SPATA6: variants seen among roughly 807,000 people sequenced by gnomAD.
SPATA6 encodes spermatogenesis-associated protein 6.
SPATA6 carries 56 observed loss-of-function variants against 65.3 expected under a neutral mutation model. That is an observed-to-expected ratio of 0.86 (90% CI 0.69 to 1.07). The LOEUF (loss-of-function observed/expected upper bound fraction) is 1.07, where lower values mean the gene tolerates loss of function less well. SPATA6 is among the 50% of genes least tolerant of loss of function. The probability of loss-of-function intolerance (pLI) is 0.00; values close to 1 mark genes in which losing one functional copy is unlikely to be tolerated. For missense variants in SPATA6, 590 were observed against 594.8 expected (o/e 0.99, Z 0.08); for synonymous variants, 199 against 213.2 (o/e 0.93, Z 0.58).
At chr1:48,362,586 A>C (rs1455896968) in intron 9 of SPATA6, among the ~76,000 whole-genome samples, 3 of 152,190 alleles carry the variant, frequency 2.0e-5, no homozygotes, top group African/African-American at 7.2e-5. Context: ...TCCAGATGAG[A>C]CAGGGCATAT....
At chr1:48,467,432 C>G (rs1657896221) in intron 1 of SPATA6, among the ~76,000 whole-genome samples, 2 of 152,146 alleles carry the variant, frequency 1.3e-5, no homozygotes, top group Admixed American at 6.5e-5. Flanking sequence ...AAAAATCAGG[C>G]AATAATACAA....
At chr1:48,386,145 A>C (rs925941699) in intron 8 of SPATA6, among the ~76,000 whole-genome samples, 1 of 152,224 alleles carries the variant, frequency 6.6e-6, no homozygotes, top group Non-Finnish European at 1.5e-5. Context: ...GTATGAAAAC[A>C]ATGCCTACCT....
At chr1:48,323,616 G>GAA (rs34150171) in intron 11 of SPATA6, among the ~76,000 whole-genome samples, 5 of 105,264 alleles carry the variant, frequency 4.7e-5, no homozygotes, top group Admixed American at 9.3e-5. Context: ...CACAACAACA[G>GAA]AAAAAAAAAA....
Position 48,459,204 on chromosome 1 carries a change from C to CAA in SPATA6, c.52-6075_52-6074dup, listed in dbSNP as rs35079974. On this transcript the variant is annotated intron_variant, in intron 1 of 12. Coordinates refer to ENST00000371847, the MANE Select transcript of SPATA6 (RefSeq NM_019073.4). Reference sequence around the variant, plus strand: ...TAGGCAACACTGCGAGACTCCATATCAAAAAAAAAAAAAAAAAAAAAGAAC... The same window carrying CAA: ...TAGGCAACACTGCGAGACTCCATATCAAAAAAAAAAAAAAAAAAAAAAAGAAC... Among the ~76,000 whole-genome samples the CAA allele has an allele frequency of 5.7e-3, 377 of 66,288 alleles. 9 individuals carry two copies. Among genetic ancestry groups the CAA allele is most frequent in the African/African-American group, 0.015 (274 of 18,242 alleles). The allele number at this position is 66,288 out of a possible 152,430, so 43.5% of individuals were successfully genotyped here.
At position 48,422,582 on chromosome 1, in the gene SPATA6, A is replaced by G. The variant is rs1653450078; in HGVS notation, c.239-9431T>C. On this transcript the variant is annotated intron_variant, in intron 3 of 12. Coordinates refer to ENST00000371847, the MANE Select transcript of SPATA6 (RefSeq NM_019073.4). Reference sequence around the variant, plus strand: ...TACAAGGACTGAAGTCCATCTTCAAATAATCTCAATGCCTGACACTGGATT... The same window carrying G: ...TACAAGGACTGAAGTCCATCTTCAAGTAATCTCAATGCCTGACACTGGATT... Among the ~76,000 whole-genome samples, 2 of 152,210 alleles carry G rather than the reference A, an allele frequency of 1.3e-5. 1 individual carries two copies. The highest frequency in any genetic ancestry group is 4.8e-5 in the African/African-American group (2 of 41,456).
chr1:48,452,684 G>C (rs920201962), intron 2 of SPATA6, among the ~76,000 whole-genome samples: 1 of 152,074 alleles, frequency 6.6e-6, no homozygotes, highest in South Asian at 2.1e-4. Context: ...GCACACGGCT[G>C]ATATATTCTT....
At chr1:48,291,680 G>A (rs960480002), downstream of SPATA6, among the ~76,000 whole-genome samples, 2 of 152,216 alleles carry the variant, frequency 1.3e-5, no homozygotes, top group African/African-American at 4.8e-5. Context: ...CATCCCAGCT[G>A]AGAAAGCAAG....
At chr1:48,275,654 A>T in the SPATA6 span, among the ~76,000 whole-genome samples, 1 of 151,610 alleles carries the variant, frequency 6.6e-6, no homozygotes, top group Non-Finnish European at 1.5e-5. Flanking sequence ...ATTGATTCGC[A>T]TATGTTTTTA....
chr1:48,411,402 T>G, intron 5 of SPATA6, 62 bp downstream of exon 5: 1 of 1,549,624 alleles, frequency 6.5e-7, no homozygotes, highest in Non-Finnish European at 8.7e-7. Context: ...GCGAGCACTA[T>G]GCGGTGGTTT....
At chr1:48,319,817 T>C (rs544194508) in intron 11 of SPATA6, among the ~76,000 whole-genome samples, 1 of 152,290 alleles carries the variant, frequency 6.6e-6, no homozygotes, top group East Asian at 1.9e-4. Flanking sequence ...TTGTGATCCC[T>C]GAGCATCCCG....
At chr1:48,428,192 T>C (rs895620482) in intron 3 of SPATA6, among the ~76,000 whole-genome samples, 5 of 152,198 alleles carry the variant, frequency 3.3e-5, no homozygotes, top group East Asian at 1.9e-4. Flanking sequence ...CAGTGGCTTA[T>C]GCCTGTAATC....
chr1:48,277,885 G>C, the SPATA6 span, among the ~76,000 whole-genome samples: 3 of 152,188 alleles, frequency 2.0e-5, no homozygotes, highest in South Asian at 6.2e-4. Context: ...TCCTCAAGTG[G>C]GTCCCTGACC....
At chr1:48,392,119 T>C (rs1023656477) in intron 8 of SPATA6, among the ~76,000 whole-genome samples, 12 of 152,140 alleles carry the variant, frequency 7.9e-5, no homozygotes, top group Non-Finnish European at 1.6e-4. Context: ...CTACTCAAGA[T>C]ATGACATACT....
intron 7 of SPATA6, chr1:48,399,053 A>G: frequency 4.0e-6 from 1 of 252,326 alleles, no homozygotes; most frequent in East Asian, 7.5e-5. Context: ...AATGTCAATT[A>G]CAACCAAGTT....
intron 1 of SPATA6, among the ~76,000 whole-genome samples, chr1:48,467,314 G>T (rs923581914): frequency 2.6e-5 from 4 of 152,068 alleles, no homozygotes; most frequent in Non-Finnish European, 4.4e-5. Flanking sequence ...AAGCATGGAA[G>T]GGGTAGAGAA....
chr1:48,401,962 TTAA>T (rs1440155811), intron 6 of SPATA6, among the ~76,000 whole-genome samples: 1 of 152,166 alleles, frequency 6.6e-6, no homozygotes, highest in Non-Finnish European at 1.5e-5. Flanking sequence ...TAAAAACATT[TTAA>T]TAATGTTACA....
At chr1:48,278,779 C>A in the SPATA6 span, among the ~76,000 whole-genome samples, 35 of 152,314 alleles carry the variant, frequency 2.3e-4, 1 homozygote, top group East Asian at 5.4e-3. Flanking sequence ...TCCAGGAGAA[C>A]TTCCCCAATC....
chr1:48,314,049 T>G (rs1288173067), intron 11 of SPATA6, among the ~76,000 whole-genome samples: 3 of 152,110 alleles, frequency 2.0e-5, no homozygotes, highest in African/African-American at 4.8e-5. Context: ...AGCAAGTCCT[T>G]AGAGACCTAC....
the SPATA6 span, among the ~76,000 whole-genome samples, chr1:48,269,145 T>A: frequency 4.7e-4 from 72 of 152,330 alleles, no homozygotes; most frequent in Middle Eastern, 3.4e-3. Flanking sequence ...TGGTCCTATG[T>A]CTTAAAATAA....
Sources: allele counts gnomAD v4.1 joint callset (sites outside exome capture counted in the v4.1 genomes callset), GRCh38; gene constraint gnomAD v4.1.1; transcripts MANE v1.5; gene names NCBI Gene and HGNC (gene_info 2026-07-23, HGNC 2026-07-21).